Variants in WLS observed in about 807,000 individuals in gnomAD.
WLS encodes the protein Wnt ligand secretion mediator.
WLS carries 23 observed loss-of-function variants against 62.8 expected under a neutral mutation model. The ratio of observed to expected loss-of-function variants is 0.37; its 90% CI spans 0.26 to 0.52. The LOEUF is 0.52. WLS is among the 20% of genes least tolerant of loss of function. The pLI is 0.92. For missense variants in WLS, 615 were observed against 697.3 expected (o/e 0.88, Z 1.33); for synonymous variants, 246 against 244.1 (o/e 1.01, Z -0.07).
intron 8 of WLS, 85 bp downstream of exon 8, chr1:68,148,051 G>T: frequency 7.2e-7 from 1 of 1,382,324 alleles, no homozygotes; most frequent in Non-Finnish European, 1.0e-6. Context: ...CATATGGGGA[G>T]CATCAGCAGA....
intron 1 of WLS, among the ~76,000 whole-genome samples, chr1:68,230,020 C>G (rs963393665): frequency 6.6e-6 from 1 of 152,100 alleles, no homozygotes; most frequent in African/African-American, 2.4e-5. Context: ...CCAGACAAAC[C>G]CTGTTTGGAA....
At chr1:68,144,465 A>G (rs1045642746) in intron 10 of WLS, 104 bp downstream of exon 10, 2 of 1,117,640 alleles carry the variant, frequency 1.8e-6, no homozygotes, top group Admixed American at 2.5e-5. Context: ...GTCCAGAATT[A>G]TGGCCTCTCT....
At chr1:68,229,106 G>C (rs1017018119) in intron 1 of WLS, among the ~76,000 whole-genome samples, 1 of 151,876 alleles carries the variant, frequency 6.6e-6, no homozygotes, top group African/African-American at 2.4e-5. Context: ...GAACCGAAAG[G>C]GACCTTAAAC....
rs1483590733 is a variant in WLS, at chr1:68,098,872, G to A, written c.1511-119C>T. 4 of 1,411,104 alleles carry A rather than the reference G, an allele frequency of 2.8e-6. No homozygotes were observed. The African/African-American group carries it at 5.8e-5, about 20-fold the overall frequency. 87.4% of individuals were successfully genotyped at this position (1,411,104 alleles called of 1,614,324 possible). On this transcript the variant is annotated intron_variant, in intron 11 of 11. Transcript: ENST00000354777. ...AAATTTTTACCTACATAAATTTCTA[G>A]TGGAGTGTTTGAAATTTGTTTAGGA...
intron 1 of WLS, among the ~76,000 whole-genome samples, chr1:68,209,146 G>A (rs528901089): frequency 1.3e-5 from 2 of 152,324 alleles, no homozygotes; most frequent in Non-Finnish European, 1.5e-5. Context: ...CAAGTTCAGG[G>A]GGGGTGTGGG....
chr1:68,107,640 A>T (rs1057308324), intron 11 of WLS, among the ~76,000 whole-genome samples: 1 of 152,230 alleles, frequency 6.6e-6, no homozygotes, highest in African/African-American at 2.4e-5. Flanking sequence ...GGGGAAAAAA[A>T]CATGATCTTC....
intron 8 of WLS, 65 bp from the exon 9 acceptor site, chr1:68,146,077 T>TA: frequency 6.3e-7 from 1 of 1,575,542 alleles, no homozygotes. Flanking sequence ...GTCCAGGCCC[T>TA]TCTCCCCAGG....
At chr1:68,167,827 C>T (rs1472724826) in intron 2 of WLS, among the ~76,000 whole-genome samples, 1 of 152,104 alleles carries the variant, frequency 6.6e-6, no homozygotes, top group Non-Finnish European at 1.5e-5. Flanking sequence ...AAGGCACTGT[C>T]GTTCGTTACA....
intron 1 of WLS, among the ~76,000 whole-genome samples, chr1:68,196,459 C>T (rs1213816563): frequency 6.6e-6 from 1 of 151,848 alleles, no homozygotes; most frequent in Non-Finnish European, 1.5e-5. Flanking sequence ...CAGAAATTCT[C>T]TCTTATTTAA....
At chr1:68,123,827 A>G (rs1328678874), downstream of WLS, among the ~76,000 whole-genome samples, 1 of 152,126 alleles carries the variant, frequency 6.6e-6, no homozygotes, top group Non-Finnish European at 1.5e-5. Context: ...GCTCTGAGAG[A>G]AAGGTGCATG....
chr1:68,167,148 C>T (rs534615464), intron 2 of WLS, among the ~76,000 whole-genome samples: 124 of 152,284 alleles, frequency 8.1e-4, no homozygotes, highest in African/African-American at 2.9e-3. Flanking sequence ...GAAAAATGCT[C>T]AAGACAGAGC....
At chr1:68,100,969 C>T (rs981497303) in intron 11 of WLS, among the ~76,000 whole-genome samples, 2 of 152,094 alleles carry the variant, frequency 1.3e-5, no homozygotes, top group African/African-American at 2.4e-5. Flanking sequence ...TATTTATTGC[C>T]CCCTGTAACC....
chr1:68,227,013 A>C (rs908531411), intron 1 of WLS, among the ~76,000 whole-genome samples: 3 of 152,214 alleles, frequency 2.0e-5, no homozygotes, highest in Non-Finnish European at 4.4e-5. Context: ...ACATAACACT[A>C]TTAGCTCAAG....
In WLS at chr1:68,194,209, G is replaced by C. The variant is rs763804728; in HGVS notation, c.125C>G (p.Ala42Gly). The part of the protein sequence containing the change: ...GGLIAPGPTT[A>G]VSYMSVKCVD... Reference sequence around the variant, plus strand: ...ACATTTCACCGACATGTAGGACACTGCCGTTGTGGGCCCTGGAGCTGAAAA... The same window carrying C: ...ACATTTCACCGACATGTAGGACACTCCCGTTGTGGGCCCTGGAGCTGAAAA... Residue 42 changes from alanine to glycine, a missense_variant, in exon 2 of 12, where the codon GCA (alanine) becomes GGA (glycine). Ala to Gly is a moderately conservative substitution (Grantham distance 60, BLOSUM62 0). Transcript: ENST00000262348. 6.2e-7 allele frequency: 1 copy of C among 1,614,072 alleles called. No individual in the cohort carries two copies. Among genetic ancestry groups the C allele is most frequent in the Admixed American group, 1.7e-5 (1 of 60,022 alleles).
intron 11 of WLS, among the ~76,000 whole-genome samples, chr1:68,113,140 C>A (rs1379207824): frequency 1.3e-5 from 2 of 152,322 alleles, no homozygotes; most frequent in African/African-American, 2.4e-5. Flanking sequence ...ACCATATTGG[C>A]TGAAGCTCTG....
intron 11 of WLS, among the ~76,000 whole-genome samples, chr1:68,104,289 TA>T: frequency 6.6e-6 from 1 of 152,268 alleles, no homozygotes; most frequent in South Asian, 2.1e-4. Flanking sequence ...GAATCATCAC[TA>T]CCATTATCGG....
At chr1:68,176,469 A>G (rs2100554862) in intron 2 of WLS, 1 of 150,724 alleles carries the variant, frequency 6.6e-6, no homozygotes, top group East Asian at 1.9e-4. Flanking sequence ...CTGCTGTATA[A>G]TTCAAAGGAC....
At chr1:68,112,289 G>A (rs557480577) in intron 11 of WLS, among the ~76,000 whole-genome samples, 2 of 152,266 alleles carry the variant, frequency 1.3e-5, no homozygotes, top group African/African-American at 2.4e-5. Context: ...CCTACTGGCT[G>A]GACCCTCTCA....
chr1:68,212,462 G>A (rs1298607265), intron 1 of WLS, among the ~76,000 whole-genome samples: 1 of 152,162 alleles, frequency 6.6e-6, no homozygotes, highest in Non-Finnish European at 1.5e-5. Flanking sequence ...CCAAATCAGT[G>A]CTTTAAGGAT....
Sources: gnomAD v4.1 joint callset for allele counts (sites outside exome capture counted in the v4.1 genomes callset) on GRCh38, gnomAD v4.1.1 for gene constraint, MANE v1.5 for transcripts, NCBI Gene and HGNC (gene_info 2026-07-23, HGNC 2026-07-21) for gene names.